IZUMO1: variants seen among roughly 807,000 people sequenced by gnomAD.
IZUMO1 encodes the protein izumo sperm-oocyte fusion 1.
Under a neutral mutation model 40.7 loss-of-function variants are expected in IZUMO1, and 44 were observed. That is an observed-to-expected ratio of 1.08 (90% CI 0.85 to 1.39). The LOEUF (loss-of-function observed/expected upper bound fraction) is 1.39, where lower values mean the gene tolerates loss of function less well. IZUMO1 is among the 40% of genes most tolerant of loss of function. IZUMO1 has a pLI of 0.00. For missense variants in IZUMO1, 368 were observed against 436.9 expected, an observed-to-expected ratio of 0.84 and a Z score of 1.41; for synonymous variants, 149 against 170.9, an observed-to-expected ratio of 0.87 and a Z score of 1.00.
Position 48,741,403 on chromosome 19 carries a change from G to T in IZUMO1, c.830C>A (p.Ser277Tyr), listed in dbSNP as rs145934248. Residue 277 changes from serine to tyrosine, a missense_variant, in exon 9 of 10, where the codon TCC becomes TAC. Physicochemically the swap from Ser to Tyr is moderately radical, Grantham distance 144. Coordinates refer to ENST00000332955, the MANE Select transcript of IZUMO1 (RefSeq NM_182575.3). The surrounding 1 kb of genome is among the most constrained non-coding windows in gnomAD (Gnocchi z 4.4). ...VTPGEATTESSISLQPLQPEK... is the reference protein window; with the variant it reads ...VTPGEATTESYISLQPLQPEK... ...GGGCTGCAGAGGCTGGAGGCTTATGGACGACTCCGTGGTCGCCTCCCCCGG... is the reference window on the plus strand; with the variant it reads ...GGGCTGCAGAGGCTGGAGGCTTATGTACGACTCCGTGGTCGCCTCCCCCGG... The T allele has an allele frequency of 6.1e-4, 988 of 1,613,640 alleles. 1 individual carries two copies. Among genetic ancestry groups the T allele is most frequent in the Middle Eastern group, 2.3e-3 (13 of 5,746 alleles).
At chr19:48,744,063 G>T in intron 5 of IZUMO1, 112 bp downstream of exon 5, 4 of 915,172 alleles carry the variant, frequency 4.4e-6, no homozygotes, top group Non-Finnish European at 7.2e-6. Flanking sequence ...TGGAGACCCA[G>T]GAACCTCTCC....
At position 48,740,963 on chromosome 19, in the gene IZUMO1, G is replaced by A. The variant is rs2307019; in HGVS notation, c.998C>T (p.Ala333Val). The A allele has an allele frequency of 0.45, 719,757 of 1,612,980 alleles. 166,377 individuals are homozygous for A. Among genetic ancestry groups the A allele is most frequent in the East Asian group, 0.83 (37,220 of 44,838 alleles). The change falls in exon 10 of 10, where the codon GCG becomes GTG. Residue 333 changes from alanine to valine, a missense_variant. By Grantham distance (64) the Ala-to-Val change is moderately conservative (BLOSUM62 0). Coordinates refer to ENST00000332955, the MANE Select transcript of IZUMO1 (RefSeq NM_182575.3). This position sits in a 1 kb window ranked among gnomAD's most constrained non-coding sequence, Gnocchi z 5.5. ...TTTTGGGACCTGGGTTTGCTCGGCC[G>A]CTCCACTGCCAAGGCCAAACAGTGA... ...KSSLFGLGSG[A>V]AEQTQVPKEK...
chr19:48,745,971 C>T, intron 1 of IZUMO1, 39 bp from the exon 2 acceptor site: 1 of 1,512,460 alleles, frequency 6.6e-7, no homozygotes, highest in South Asian at 1.3e-5. Flanking sequence ...TAAGAAATCC[C>T]ACTGGGCCGC....
chr19:48,741,084 G>A lies in IZUMO1; in HGVS notation c.933-56C>T. ...AACCGGTTTGGGTACTAATTGTGTG[G>A]GGGACACCCCTCCCAACCTCCCCCT... On this transcript the variant is annotated intron_variant, in intron 9 of 9. Transcript: ENST00000332955. The surrounding 1 kb of genome is among the most constrained non-coding windows in gnomAD (Gnocchi z 4.4). 3 of 1,606,354 alleles carry A rather than the reference G, an allele frequency of 1.9e-6. No homozygotes were observed. Among genetic ancestry groups the A allele is most frequent in the Non-Finnish European group, 2.6e-6 (3 of 1,175,428 alleles).
chr19:48,743,908 T>C, intron 5 of IZUMO1: 1 of 495,314 alleles, frequency 2.0e-6, no homozygotes, highest in Non-Finnish European at 3.6e-6. Context: ...GGAGAATAGT[T>C]TGAACCTGGG....
At chr19:48,744,078 C>T in intron 5 of IZUMO1, 97 bp downstream of exon 5, 2 of 1,087,052 alleles carry the variant, frequency 1.8e-6, no homozygotes. Flanking sequence ...CTCTCCAAGG[C>T]AGAGAATGAC....
In IZUMO1 at chr19:48,745,637, T is replaced by C. The variant is rs1426659145; in HGVS notation, c.223A>G (p.Met75Val). The C allele has an allele frequency of 3.1e-6, 5 of 1,613,900 alleles. No individual in the cohort carries two copies. The highest frequency in any genetic ancestry group is 4.2e-6 in the Non-Finnish European group (5 of 1,179,970). ...CCCCTGCCCTCACCAACGACCCCCA[T>C]ATAGGCATCCTCATTAAGCGACAGT... ...QELSLNEDAY[M>V]GVVDEATLQK... is the part of the protein sequence containing the mutation. The change falls in exon 2 of 10, where the codon ATG (methionine) becomes GTG (valine). Residue 75 changes from methionine to valine, a missense_variant. Transcript: ENST00000332955.
rs372218137 is a variant in IZUMO1, at chr19:48,741,953, G to A, written c.601-11C>T. On this transcript the variant is annotated splice_polypyrimidine_tract_variant and intron_variant, in intron 7 of 9. Transcript: ENST00000332955. The surrounding 1 kb of genome is among the most constrained non-coding windows in gnomAD (Gnocchi z 4.4). ...ATTGTTCCCCCAAACCTAGACCCAAGCTCAAGGGGTCACTGAGGCCTGAGG... is the reference window on the plus strand; with the variant it reads ...ATTGTTCCCCCAAACCTAGACCCAAACTCAAGGGGTCACTGAGGCCTGAGG... The A allele has an allele frequency of 3.3e-5, 52 of 1,585,066 alleles. No individual in the cohort carries two copies. The highest frequency in any genetic ancestry group is 3.4e-4 in the Middle Eastern group (2 of 5,966).
At chr19:48,743,935 G>A (rs562589689) in intron 5 of IZUMO1, 1 of 529,842 alleles carries the variant, frequency 1.9e-6, no homozygotes, top group East Asian at 3.4e-5. Flanking sequence ...AGGTTGCAGT[G>A]AGCCGTGATC....
In IZUMO1 at chr19:48,743,465, C is replaced by G. The variant is rs372951604; in HGVS notation, c.479G>C (p.Arg160Pro). 1 of 1,614,156 alleles carries G rather than the reference C, an allele frequency of 6.2e-7. No homozygotes were observed. ...KNCKKEVHACRKSYDCGERNV... is the reference protein window; with the variant it reads ...KNCKKEVHACPKSYDCGERNV... ...CTCACCCCCGCAATCGTAGGACTTTCGACAAGCGTGAACCTCCTTTTTGCA... is the reference window on the plus strand; with the variant it reads ...CTCACCCCCGCAATCGTAGGACTTTGGACAAGCGTGAACCTCCTTTTTGCA... Residue 160 changes from arginine to proline, a missense_variant, in exon 6 of 10, where the codon CGA becomes CCA. Transcript: ENST00000332955.
intron 6 of IZUMO1, chr19:48,742,912 A>G (rs2033762141): frequency 6.5e-6 from 1 of 153,416 alleles, no homozygotes; most frequent in South Asian, 2.0e-4. Context: ...TATTTTTAGT[A>G]CAAAAACGAT....
chr19:48,745,148 G>C (rs533110059), intron 3 of IZUMO1, 66 bp downstream of exon 3: 100 of 1,320,530 alleles, frequency 7.6e-5, no homozygotes, highest in Admixed American at 3.2e-4. Context: ...CTGACCAAGA[G>C]ACCAGGCATC....
intron 6 of IZUMO1, chr19:48,743,207 T>C (rs2033772975): frequency 5.7e-6 from 3 of 530,604 alleles, no homozygotes; most frequent in East Asian, 3.3e-5. Flanking sequence ...TTAAATTTTT[T>C]TGTAGAGATA....
At chr19:48,744,221 G>T (rs2033809731) in intron 4 of IZUMO1, 26 bp from the exon 5 acceptor site, 3 of 1,608,196 alleles carry the variant, frequency 1.9e-6, no homozygotes, top group South Asian at 2.2e-5. Context: ...AAAAAAGAGA[G>T]CAAGAAAGAG....
Position 48,744,566 on chromosome 19 carries a change from C to T in IZUMO1, c.311-27G>A, listed in dbSNP as rs565051803. On this transcript the variant is annotated intron_variant, in intron 3 of 9. Coordinates refer to ENST00000332955, the MANE Select transcript of IZUMO1 (RefSeq NM_182575.3). ...TGGGAAGACACAGGAACCCCCAATC[C>T]CACGTGTGAGGTGTTGGAAGTTTAC... 189 of 1,537,952 alleles carry T rather than the reference C, an allele frequency of 1.2e-4. 1 individual carries two copies. In the South Asian group the frequency reaches 2.0e-3, roughly 16 times the overall value.
rs781177461 is a variant in IZUMO1 at position 48,741,159 on chromosome 19, C to A, written c.933-131G>T. 1.4e-5 allele frequency: 21 copies of A among 1,465,264 alleles called. No individual in the cohort carries two copies. The Admixed American group carries it at 3.2e-4, about 23-fold the overall frequency. The allele number at this position is 1,465,264 out of a possible 1,614,324, so 90.8% of individuals were successfully genotyped here. A position where few individuals can be genotyped will look rare whatever the true frequency, so the allele number is the denominator to read the frequency against. On this transcript the variant is annotated intron_variant, in intron 9 of 9. Coordinates refer to ENST00000332955, the MANE Select transcript of IZUMO1 (RefSeq NM_182575.3). The surrounding 1 kb of genome is among the most constrained non-coding windows in gnomAD (Gnocchi z 4.4). Reference sequence around the variant, plus strand: ...CTAAGCCTCGCCCTTCGAAGTCCTCCTATTCAAGCCCCCCGCACTCCATCC... The same window carrying A: ...CTAAGCCTCGCCCTTCGAAGTCCTCATATTCAAGCCCCCCGCACTCCATCC...
rs1306134150 is a variant in IZUMO1, at chr19:48,745,946, A to C, written c.-73-14T>G. 7 of 1,566,276 alleles carry C rather than the reference A, an allele frequency of 4.5e-6. No homozygotes were observed. The Admixed American group carries it at 1.3e-4, about 30-fold the overall frequency. ...AGCAGGAGAACGCTAAACGGAGAAA[A>C]GCCAAAATCCATCTTAAGAAATCCC... On this transcript the variant is annotated splice_polypyrimidine_tract_variant and intron_variant, in intron 1 of 9. Transcript: ENST00000332955.
chr19:48,742,725 C>CT (rs34894807), intron 6 of IZUMO1, among the ~76,000 whole-genome samples: 43,212 of 93,450 alleles, frequency 0.46, 11,805 homozygotes, highest in East Asian at 0.84. Flanking sequence ...TTCTCTCTCT[C>CT]TTTTTTTTTT....
intron 6 of IZUMO1, among the ~76,000 whole-genome samples, chr19:48,742,723 C>G (rs867506958): frequency 8.9e-6 from 1 of 112,548 alleles, no homozygotes; most frequent in Non-Finnish European, 1.7e-5. Flanking sequence ...CTTTCTCTCT[C>G]TCTTTTTTTT....
Sources: allele counts gnomAD v4.1 joint callset (sites outside exome capture counted in the v4.1 genomes callset), GRCh38; gene constraint gnomAD v4.1.1; non-coding constraint Gnocchi (gnomAD v3.1); transcripts MANE v1.5; gene names NCBI Gene and HGNC (gene_info 2026-07-23, HGNC 2026-07-21).